The following BANP variants were observed in gnomAD, a reference collection of about 807,000 sequenced individuals.
The protein encoded by BANP is BTG3 associated nuclear protein.
Under a neutral mutation model 68.1 loss-of-function variants are expected in BANP, and 11 were observed. The ratio of observed to expected loss-of-function variants is 0.16; its 90% CI spans 0.10 to 0.27. BANP has a LOEUF of 0.27. Ranked by LOEUF, BANP falls within the 10% of genes least tolerant of loss-of-function variation. BANP has a pLI of 1.00. For missense variants in BANP, 504 were observed against 722.7 expected, an observed-to-expected ratio of 0.70 and a Z score of 3.47; for synonymous variants, 329 against 303.2, an observed-to-expected ratio of 1.09 and a Z score of -0.88.
At chr16:87,993,089 G>T (rs1157279781) in intron 4 of BANP, among the ~76,000 whole-genome samples, 1 of 152,256 alleles carries the variant, frequency 6.6e-6, no homozygotes, top group East Asian at 1.9e-4. Context: ...TGACTAGATG[G>T]GGGTCACGGG....
At chr16:87,958,745 TA>T (rs1477626263) in intron 1 of BANP, among the ~76,000 whole-genome samples, 2 of 152,208 alleles carry the variant, frequency 1.3e-5, no homozygotes, top group Non-Finnish European at 2.9e-5. Context: ...GCCGCTTGCT[TA>T]GGGGTGACTG....
intron 7 of BANP, among the ~76,000 whole-genome samples, chr16:88,020,297 C>A (rs1198643880): frequency 6.6e-6 from 1 of 152,220 alleles, no homozygotes; most frequent in Non-Finnish European, 1.5e-5. Context: ...CAGGACACTG[C>A]CTTCAGAGGC....
rs1373183270 is a variant in BANP at position 88,012,839 on chromosome 16, A to G, written c.656-5589A>G. Among the ~76,000 whole-genome samples the G allele has an allele frequency of 3.3e-5, 5 of 152,066 alleles. No homozygotes were observed. The South Asian group carries it at 8.3e-4, about 25-fold the overall frequency. On this transcript the variant is annotated intron_variant, in intron 6 of 13. Transcript: ENST00000682872. ...CAATTATTGGTTAATTCCTTTCTAT[A>G]GACGGCCTAAGAAAAAAGGATAAAT...
chr16:88,055,123 CTT>C (rs199560684), intron 11 of BANP, among the ~76,000 whole-genome samples: 1 of 144,820 alleles, frequency 6.9e-6, no homozygotes, highest in African/African-American at 2.5e-5. Flanking sequence ...CTTTTTTGCC[CTT>C]TTTTTTTTTA....
chr16:88,015,518 T>C (rs1030691487), intron 6 of BANP, among the ~76,000 whole-genome samples: 9 of 152,224 alleles, frequency 5.9e-5, no homozygotes, highest in African/African-American at 1.7e-4. Flanking sequence ...ACGTGGCCCC[T>C]CCTGGCCCAG....
intron 11 of BANP, among the ~76,000 whole-genome samples, chr16:88,052,215 C>T (rs1050595609): frequency 7.2e-5 from 11 of 152,190 alleles, no homozygotes; most frequent in African/African-American, 2.4e-4. Context: ...TCAAATGTAG[C>T]ATATGGACAT....
chr16:87,980,829 G>T (rs1198629922), intron 2 of BANP: 28 of 546,584 alleles, frequency 5.1e-5, no homozygotes, highest in Non-Finnish European at 8.5e-5. Flanking sequence ...CACATTAATT[G>T]CCCAGTGTCT....
intron 4 of BANP, among the ~76,000 whole-genome samples, chr16:87,992,588 G>A (rs2066127451): frequency 6.6e-6 from 1 of 152,140 alleles, no homozygotes. Flanking sequence ...GAAGTCAGGA[G>A]TTCGAGACCA....
chr16:87,956,175 TTGAC>T (rs1244712860), intron 1 of BANP, among the ~76,000 whole-genome samples: 2 of 152,236 alleles, frequency 1.3e-5, no homozygotes, highest in Non-Finnish European at 2.9e-5. Context: ...GATTAAGTGA[TTGAC>T]ATGACATGGA....
At chr16:88,012,065 A>T (rs2073296558) in intron 6 of BANP, among the ~76,000 whole-genome samples, 2 of 152,248 alleles carry the variant, frequency 1.3e-5, no homozygotes, top group South Asian at 4.1e-4. Context: ...GCACATAATT[A>T]TGAGGAGCCC....
chr16:87,952,013 A>C (rs920189629), intron 1 of BANP, among the ~76,000 whole-genome samples: 1 of 96,858 alleles, frequency 1.0e-5, no homozygotes, highest in Non-Finnish European at 2.0e-5. Flanking sequence ...CAGGACTTGC[A>C]CACGCAAGGG....
rs542556294 is a variant in BANP at position 88,055,224 on chromosome 16, T to C, written c.1312-10043T>C. ...AACAATGTGAAATCACTGGAAAAGC[T>C]AGGAGGTATTTTGTGTATGTTCTGG... On this transcript the variant is annotated intron_variant, in intron 11 of 13. Coordinates refer to ENST00000682872, the MANE Select transcript of BANP (RefSeq NM_001386991.1). 3.3e-5 allele frequency among the ~76,000 whole-genome samples: 5 copies of C among 152,152 alleles called. No homozygotes were observed. In the South Asian group the frequency reaches 1.0e-3, roughly 32 times the overall value.
Position 88,064,164 on chromosome 16 carries a change from G to T in BANP, c.1312-1103G>T, listed in dbSNP as rs1249079388. Among the ~76,000 whole-genome samples, 1 of 151,664 alleles carries T rather than the reference G, an allele frequency of 6.6e-6. No individual in the cohort carries two copies. Among genetic ancestry groups the T allele is most frequent in the Non-Finnish European group, 1.5e-5 (1 of 67,900 alleles). ...CTCTTCAGAGACGGCAGAGCACGAG[G>T]CTGGGGCAGGAGGTGTCGGGGGCTT... On this transcript the variant is annotated intron_variant, in intron 11 of 13. Coordinates refer to ENST00000682872, the MANE Select transcript of BANP (RefSeq NM_001386991.1). This position sits in a 1 kb window ranked among gnomAD's most constrained non-coding sequence, Gnocchi z 4.5.
At chr16:88,027,053 C>T (rs2077140545) in intron 7 of BANP, among the ~76,000 whole-genome samples, 1 of 152,228 alleles carries the variant, frequency 6.6e-6, no homozygotes, top group Admixed American at 6.5e-5. Flanking sequence ...GGCAGAGGAC[C>T]AGCGAGTTCT....
rs949515279 is a variant in BANP at position 88,057,371 on chromosome 16, C to A, written c.1312-7896C>A. Among the ~76,000 whole-genome samples the A allele has an allele frequency of 6.6e-6, 1 of 152,100 alleles. No homozygotes were observed. The highest frequency in any genetic ancestry group is 2.4e-5 in the African/African-American group (1 of 41,402). ...CAGAGTAGCTGCCTGCGAAAGGAAA[C>A]CTGGGCGTTACTGCTGCACCAGGAT... is the stretch of plus-strand genomic sequence containing the variant. On this transcript the variant is annotated intron_variant, in intron 11 of 13. Coordinates refer to ENST00000682872, the MANE Select transcript of BANP (RefSeq NM_001386991.1). The surrounding 1 kb of genome is among the most constrained non-coding windows in gnomAD (Gnocchi z 4.6).
intron 6 of BANP, among the ~76,000 whole-genome samples, chr16:88,013,377 G>A (rs989354143): frequency 1.3e-5 from 2 of 152,198 alleles, no homozygotes; most frequent in African/African-American, 4.8e-5. Flanking sequence ...TGTGACGTGG[G>A]CCTGCCCCAT....
At chr16:88,038,236 G>A (rs1405620337) in intron 11 of BANP, among the ~76,000 whole-genome samples, 14 of 152,182 alleles carry the variant, frequency 9.2e-5, no homozygotes, top group Non-Finnish European at 1.6e-4. Flanking sequence ...GGTCAGGTGA[G>A]TGCCACAGTC....
chr16:87,997,935 C>G (rs1044355519), intron 4 of BANP, among the ~76,000 whole-genome samples: 2 of 152,214 alleles, frequency 1.3e-5, no homozygotes, highest in African/African-American at 4.8e-5. Flanking sequence ...TTAGCACTTC[C>G]TGGTGGAATT....
At chr16:88,014,282 A>AT (rs2073967250) in intron 6 of BANP, among the ~76,000 whole-genome samples, 1 of 152,132 alleles carries the variant, frequency 6.6e-6, no homozygotes, top group African/African-American at 2.4e-5. Flanking sequence ...GGGTCTGGAC[A>AT]TTTGCACACT....
Sources: allele counts gnomAD v4.1 joint callset (sites outside exome capture counted in the v4.1 genomes callset), GRCh38; gene constraint gnomAD v4.1.1; non-coding constraint Gnocchi (gnomAD v3.1); transcripts MANE v1.5; gene names NCBI Gene and HGNC (gene_info 2026-07-23, HGNC 2026-07-21).